SLC29A2: variants seen among roughly 807,000 people sequenced by gnomAD.
SLC29A2 encodes the protein solute carrier family 29 member 2.
In SLC29A2, 37 loss-of-function variants were observed where a neutral mutation model predicts 48.8. That is an observed-to-expected ratio of 0.76 (90% CI 0.58 to 1.00). The LOEUF (loss-of-function observed/expected upper bound fraction) is 1.00, where lower values mean the gene tolerates loss of function less well. Among genes scored for constraint, SLC29A2 ranks in the 50% least tolerant of loss-of-function variants. The pLI, the probability that SLC29A2 is intolerant of heterozygous loss-of-function variation, is 0.00. For synonymous variants in SLC29A2, 233 were observed against 261.7 expected, an observed-to-expected ratio of 0.89 and a Z score of 1.06; for missense variants, 533 against 578.6, an observed-to-expected ratio of 0.92 and a Z score of 0.81.
chr11:66,363,711 GC>G, intron 11 of SLC29A2, 164 bp from the exon 12 acceptor site: 1 of 668,638 alleles, frequency 1.5e-6, no homozygotes, highest in Non-Finnish European at 2.7e-6. Context: ...AAATGAGGCT[GC>G]TGGATAAGGA....
intron 6 of SLC29A2, 89 bp from the exon 7 acceptor site, chr11:66,367,637 CCCTCAGTGTCTTCT>C: frequency 1.3e-6 from 2 of 1,508,436 alleles, no homozygotes; most frequent in Non-Finnish European, 1.8e-6. Context: ...AGGCTGGGGC[CCCTCAGTGTCTTCT>C]CTGGGGGTCA....
Position 66,371,588 on chromosome 11 carries a change from C to T in SLC29A2, c.4G>A (p.Ala2Thr). ...CTGTCCCGCGGGGCGTCTCCTCGCG[C>T]CATGGCCGCCGCGGCGGATGCGCCT... Reference protein sequence around the residue: MARGDAPRDSYH... With the variant: MTRGDAPRDSYH... Residue 2 changes from alanine to threonine, a missense_variant, in exon 1 of 12, where the codon GCG (alanine) becomes ACG (threonine). Ala to Thr is a moderately conservative substitution (Grantham distance 58). Transcript: ENST00000357440. The T allele has an allele frequency of 6.5e-7, 1 of 1,549,380 alleles. No individual in the cohort carries two copies. Among genetic ancestry groups the T allele is most frequent in the Non-Finnish European group, 8.7e-7 (1 of 1,149,754 alleles).
chr11:66,371,625 G>C lies in SLC29A2; in HGVS notation c.-34C>G, dbSNP rs1452969927. 1.3e-6 allele frequency: 2 copies of C among 1,540,686 alleles called. No individual in the cohort carries two copies. Among genetic ancestry groups the C allele is most frequent in the Admixed American group, 1.9e-5 (1 of 51,446 alleles). ...CGGCGGATGCGCCTGGGGTGAAAGG[G>C]GCAGAGAAGCCGCACCTGCACCTGC... is the stretch of plus-strand genomic sequence containing the variant. On this transcript the variant is annotated 5_prime_UTR_variant, in exon 1 of 12. Coordinates refer to ENST00000357440, the MANE Select transcript of SLC29A2 (RefSeq NM_001532.3).
intron 3 of SLC29A2, 75 bp downstream of exon 3, chr11:66,369,294 G>A (rs1195661718): frequency 6.2e-6 from 10 of 1,603,860 alleles, no homozygotes; most frequent in Non-Finnish European, 8.5e-6. Flanking sequence ...TAGGGCTGGG[G>A]GGCAGGGGGC....
At position 66,364,661 on chromosome 11, in the gene SLC29A2, C is replaced by A. The variant is rs572592426; in HGVS notation, c.1060-237G>T. 162 of 450,072 alleles carry A rather than the reference C, an allele frequency of 3.6e-4. 1 individual carries two copies. Among genetic ancestry groups the A allele is most frequent in the African/African-American group, 3.2e-3 (159 of 50,326 alleles). The allele number at this position is 450,072 out of a possible 1,614,324, so 27.9% of individuals were successfully genotyped here. A position where few individuals can be genotyped will look rare whatever the true frequency, so the allele number is the denominator to read the frequency against. ...CTGGGACTATAGGCGCCTGCCACCA[C>A]CATGCCCAGATAATTTTTATATTTT... On this transcript the variant is annotated intron_variant, in intron 10 of 11. Transcript: ENST00000357440.
At chr11:66,369,009 C>A in intron 4 of SLC29A2, 51 bp downstream of exon 4, 1 of 1,571,500 alleles carries the variant, frequency 6.4e-7, no homozygotes, top group South Asian at 1.2e-5. Flanking sequence ...AATGATGAGG[C>A]CAGGCTGAAG....
At chr11:66,372,022 C>T (rs1276767662), upstream of SLC29A2, 5 of 222,856 alleles carry the variant, frequency 2.2e-5, no homozygotes, top group Admixed American at 1.2e-4. Flanking sequence ...CCACCCCCCG[C>T]CGAGAGCTCT....
chr11:66,370,858 C>A (rs1178260878), intron 2 of SLC29A2, among the ~76,000 whole-genome samples: 627 of 92,144 alleles, frequency 6.8e-3, no homozygotes, highest in African/African-American at 0.017. Flanking sequence ...GACTCTGTCT[C>A]AAAAAAAAAA....
At chr11:66,367,412 G>T in intron 7 of SLC29A2, 52 bp downstream of exon 7, 1 of 1,489,642 alleles carries the variant, frequency 6.7e-7, no homozygotes, top group Non-Finnish European at 9.4e-7. Context: ...AGGGGAGGTG[G>T]CTCTAGCTTC....
chr11:66,371,632 A>C lies in SLC29A2; in HGVS notation c.-41T>G. Reference sequence around the variant, plus strand: ...TGCGCCTGGGGTGAAAGGGGCAGAGAAGCCGCACCTGCACCTGCGCTGGGG... The same window carrying C: ...TGCGCCTGGGGTGAAAGGGGCAGAGCAGCCGCACCTGCACCTGCGCTGGGG... On this transcript the variant is annotated 5_prime_UTR_variant, in exon 1 of 12. Coordinates refer to ENST00000357440, the MANE Select transcript of SLC29A2 (RefSeq NM_001532.3). 2 of 1,537,252 alleles carry C rather than the reference A, an allele frequency of 1.3e-6. No individual in the cohort carries two copies. Among genetic ancestry groups the C allele is most frequent in the Non-Finnish European group, 1.7e-6 (2 of 1,146,426 alleles).
intron 2 of SLC29A2, among the ~76,000 whole-genome samples, 160 bp downstream of exon 2, chr11:66,371,084 C>T (rs1664082215): frequency 6.6e-6 from 1 of 152,104 alleles, no homozygotes; most frequent in African/African-American, 2.4e-5. Flanking sequence ...CTTTCCTAGC[C>T]ACGGGGGAAG....
rs1855899793 is a variant in SLC29A2 at position 66,369,379 on chromosome 11, G to C, written c.265C>G (p.Leu89Val). 1 of 1,614,086 alleles carries C rather than the reference G, an allele frequency of 6.2e-7. No individual in the cohort carries two copies. The highest frequency in any genetic ancestry group is 1.1e-5 in the South Asian group (1 of 91,088). The change falls in exon 3 of 12, where the codon CTG (leucine) becomes GTG (valine). Residue 89 changes from leucine (L) to valine (V), a missense_variant. Coordinates refer to ENST00000357440, the MANE Select transcript of SLC29A2 (RefSeq NM_001532.3). ...GGGCAGGCCTCTCACCACTGGTACA[G>C]GAAGGAGTTGAGGAGGGTGAAGAGC... ...LLLFTLLNSF[L>V]YQCVPETVRI...
chr11:66,366,301 A>G (rs144495338), intron 8 of SLC29A2, 70 bp from the exon 9 acceptor site: 214 of 1,599,026 alleles, frequency 1.3e-4, no homozygotes, highest in Non-Finnish European at 1.8e-4. Context: ...CCCAAGCCCC[A>G]TGTGGGAGCA....
intron 11 of SLC29A2, 81 bp downstream of exon 11, chr11:66,364,144 C>G (rs973486613): frequency 2.5e-6 from 3 of 1,186,910 alleles, no homozygotes; most frequent in Non-Finnish European, 3.6e-6. Flanking sequence ...TGGGCCGTCC[C>G]TCCATTGCAG....
intron 7 of SLC29A2, among the ~76,000 whole-genome samples, chr11:66,366,938 G>C (rs148713534): frequency 1.7e-4 from 26 of 152,240 alleles, no homozygotes; most frequent in African/African-American, 4.8e-4. Flanking sequence ...GTGAGATCCT[G>C]ACTCAAAATA....
intron 5 of SLC29A2, among the ~76,000 whole-genome samples, chr11:66,368,143 A>G (rs12416747): frequency 0.58 from 88,640 of 152,080 alleles, 28,501 homozygotes; most frequent in South Asian, 0.81. Flanking sequence ...GCAGGGAGCT[A>G]TACCAATCAC....
rs772717805 is a variant in SLC29A2, at chr11:66,367,820, A to G, written c.600T>C (p.Cys200=). The change falls in exon 6 of 12, where the codon TGT becomes TGC. Residue 200 remains cysteine (C), a synonymous_variant. Transcript: ENST00000357440. ...ACACGATGGACATGAGGATGCCCAC[A>G]CAGGGCGTGATAAAGTACCCCAGGG... ...TSALGYFITP[C]VGILMSIVCY... The G allele has an allele frequency of 1.9e-6, 3 of 1,614,210 alleles. No homozygotes were observed. Among genetic ancestry groups the G allele is most frequent in the Non-Finnish European group, 2.5e-6 (3 of 1,180,008 alleles).
At position 66,370,422 on chromosome 11, in the gene SLC29A2, C is replaced by T. The variant is rs1205196915; in HGVS notation, c.111+822G>A. ...AGAGCCAGTACCCAAGAAGCATTTG[C>T]AAAGTTGTTGCAGTGAATACAGATG... is the stretch of plus-strand genomic sequence containing the variant. On this transcript the variant is annotated intron_variant, in intron 2 of 11. Transcript: ENST00000357440. Among the ~76,000 whole-genome samples, 3 of 152,206 alleles carry T rather than the reference C, an allele frequency of 2.0e-5. No homozygotes were observed. In the East Asian group the frequency reaches 5.8e-4, roughly 29 times the overall value.
intron 3 of SLC29A2, 77 bp downstream of exon 3, chr11:66,369,292 G>C: frequency 6.2e-7 from 1 of 1,602,340 alleles, no homozygotes; most frequent in African/African-American, 1.3e-5. Flanking sequence ...AGTAGGGCTG[G>C]GGGGCAGGGG....
Sources: gnomAD v4.1 joint callset for allele counts (sites outside exome capture counted in the v4.1 genomes callset) on GRCh38, gnomAD v4.1.1 for gene constraint, MANE v1.5 for transcripts, NCBI Gene and HGNC (gene_info 2026-07-23, HGNC 2026-07-21) for gene names.